HMCN1: variants seen among roughly 807,000 people sequenced by gnomAD.
The protein encoded by HMCN1 is hemicentin-1.
A neutral mutation model predicts 625.9 loss-of-function variants in HMCN1; 321 were observed. The ratio of observed to expected loss-of-function variants is 0.51; its 90% CI spans 0.47 to 0.56. The LOEUF is 0.56. HMCN1 is among the 20% of genes least tolerant of loss of function. The pLI is 0.00. For synonymous variants in HMCN1, 2,425 were observed against 2,417.6 expected, an observed-to-expected ratio of 1.00 and a Z score of -0.09; for missense variants, 6,588 against 6,887.3, an observed-to-expected ratio of 0.96 and a Z score of 1.54.
At chr1:186,121,333 T>G (rs952707453) in intron 80 of HMCN1, among the ~76,000 whole-genome samples, 1 of 152,170 alleles carries the variant, frequency 6.6e-6, no homozygotes, top group Non-Finnish European at 1.5e-5. Flanking sequence ...GGAAGACCCC[T>G]CCTGCAGCTC....
Position 186,087,937 on chromosome 1 carries a change from T to G in HMCN1, c.9369T>G (p.Ser3123=). 5.0e-6 allele frequency: 8 copies of G among 1,612,564 alleles called. No individual in the cohort carries two copies. Among genetic ancestry groups the G allele is most frequent in the Non-Finnish European group, 6.8e-6 (8 of 1,178,908 alleles). Residue 3123 remains serine, a synonymous_variant, in exon 61 of 107, where the codon TCT becomes TCG. Coordinates refer to ENST00000271588, the MANE Select transcript of HMCN1 (RefSeq NM_031935.3). ...QMLHIKKAEV[S]DTGQYVCRAI... ...ATAGTATCTTTTTCTTTTAGGTATC[T>G]GACACAGGCCAGTATGTATGTAGAG... is the stretch of plus-strand genomic sequence containing the variant.
chr1:186,090,418 C>T (rs1012695941), intron 63 of HMCN1, among the ~76,000 whole-genome samples: 10 of 151,912 alleles, frequency 6.6e-5, no homozygotes, highest in East Asian at 3.9e-4. Flanking sequence ...AAAAAATGCA[C>T]ACTGCCTTAC....
At chr1:185,940,275 A>G (rs1185020497) in intron 11 of HMCN1, among the ~76,000 whole-genome samples, 2 of 152,202 alleles carry the variant, frequency 1.3e-5, no homozygotes, top group Non-Finnish European at 2.9e-5. Context: ...AAATAAGATG[A>G]TACTCAGCAT....
intron 5 of HMCN1, 32 bp from the exon 6 acceptor site, chr1:185,911,642 T>C (rs1666425730): frequency 4.2e-6 from 6 of 1,424,476 alleles, no homozygotes; most frequent in Non-Finnish European, 6.0e-6. Flanking sequence ...AGAGAAGGAT[T>C]GTGCTTGTTA....
In HMCN1 at chr1:186,136,706, A is replaced by T; in HGVS notation, c.13351A>T (p.Ile4451Phe). 1 of 1,613,964 alleles carries T rather than the reference A, an allele frequency of 6.2e-7. No individual in the cohort carries two copies. The highest frequency in any genetic ancestry group is 8.5e-7 in the Non-Finnish European group (1 of 1,179,882). ...CACTCTTGAGCCAGTGGAAACTGTT[A>T]TTAATGCTGGTGGCAAAATCATATT... Reference protein sequence around the residue: ...IITLEPVETVINAGGKIILNC... With the variant: ...IITLEPVETVFNAGGKIILNC... The change falls in exon 87 of 107, where the codon ATT (isoleucine) becomes TTT (phenylalanine). Residue 4451 changes from isoleucine to phenylalanine, a missense_variant. Around this residue, in one of 3 missense-constraint regions of HMCN1, gnomAD observed 1,954 missense variants for 2,013.1 expected, o/e 0.97. Transcript: ENST00000271588.
At chr1:186,144,760 G>A (rs1650208306) in intron 91 of HMCN1, 57 bp downstream of exon 91, 2 of 1,585,268 alleles carry the variant, frequency 1.3e-6, no homozygotes, top group African/African-American at 1.3e-5. Context: ...CATTATGACT[G>A]TAATTCCTTA....
At chr1:186,144,797 C>T (rs1337445635) in intron 91 of HMCN1, 94 bp downstream of exon 91, 10 of 1,461,370 alleles carry the variant, frequency 6.8e-6, no homozygotes, top group Non-Finnish European at 9.5e-6. Flanking sequence ...TTATTTGGTT[C>T]TTCAACCTTT....
chr1:185,846,388 G>C (rs1661815610), intron 2 of HMCN1, among the ~76,000 whole-genome samples: 1 of 152,162 alleles, frequency 6.6e-6, no homozygotes, highest in South Asian at 2.1e-4. Flanking sequence ...GAAAAAGTTT[G>C]CTGACCCCTG....
intron 64 of HMCN1, among the ~76,000 whole-genome samples, chr1:186,091,894 A>T (rs1460608921): frequency 6.6e-6 from 1 of 151,984 alleles, no homozygotes; most frequent in African/African-American, 2.4e-5. Flanking sequence ...GTGTATTAAA[A>T]TTTCTAGTCT....
At chr1:185,897,609 C>T (rs1665561935) in intron 4 of HMCN1, among the ~76,000 whole-genome samples, 1 of 152,206 alleles carries the variant, frequency 6.6e-6, no homozygotes, top group Admixed American at 6.5e-5. Flanking sequence ...CCGTTTGCAT[C>T]CTGCTCATCC....
chr1:186,016,821 A>G (rs1199685951), intron 32 of HMCN1, 142 bp from the exon 33 acceptor site: 4 of 682,688 alleles, frequency 5.9e-6, no homozygotes, highest in Non-Finnish European at 1.1e-5. Context: ...ATGTATTTAC[A>G]ATGCATTTCA....
At chr1:186,144,837 G>T (rs1037376447) in intron 91 of HMCN1, 134 bp downstream of exon 91, 18 of 1,061,218 alleles carry the variant, frequency 1.7e-5, no homozygotes, top group Middle Eastern at 2.1e-4. Flanking sequence ...TTGTAAGGTT[G>T]CTGTCATGTC....
At chr1:185,737,514 T>A (rs917724044) in intron 1 of HMCN1, among the ~76,000 whole-genome samples, 6 of 152,206 alleles carry the variant, frequency 3.9e-5, no homozygotes, top group African/African-American at 1.4e-4. Context: ...ATTTACTTTC[T>A]GAATCTTAGT....
In HMCN1 at chr1:186,110,811, G is replaced by A. The variant is rs146016258; in HGVS notation, c.10990-2001G>A. Among the ~76,000 whole-genome samples, 12 of 151,830 alleles carry A rather than the reference G, an allele frequency of 7.9e-5. No individual in the cohort carries two copies. The East Asian group carries it at 2.1e-3, about 27-fold the overall frequency. On this transcript the variant is annotated intron_variant, in intron 71 of 106. Coordinates refer to ENST00000271588, the MANE Select transcript of HMCN1 (RefSeq NM_031935.3). The stretch of plus-strand genomic sequence containing the variant: ...AGATGGGGAAACAGAAAAGAAGGTC[G>A]TATTCATACCCAAGGTGGGGGAAGG...
At chr1:185,885,378 A>G (rs1664580935) in intron 4 of HMCN1, among the ~76,000 whole-genome samples, 1 of 152,030 alleles carries the variant, frequency 6.6e-6, no homozygotes, top group Non-Finnish European at 1.5e-5. Flanking sequence ...GGCAATATTT[A>G]TGTCCATTGA....
chr1:186,036,080 T>C (rs1431351239), intron 36 of HMCN1, among the ~76,000 whole-genome samples: 2 of 152,174 alleles, frequency 1.3e-5, no homozygotes, highest in Non-Finnish European at 2.9e-5. Context: ...ATCATGTTGT[T>C]TTGTCATGTT....
chr1:186,127,991 T>A, intron 82 of HMCN1, 87 bp from the exon 83 acceptor site: 1 of 1,122,684 alleles, frequency 8.9e-7, no homozygotes, highest in East Asian at 2.5e-5. Context: ...AGAGAGTTTC[T>A]TGAGGGCCTA....
At chr1:186,087,702 A>T (rs961093115) in intron 60 of HMCN1, 57 bp downstream of exon 60, 2 of 1,525,886 alleles carry the variant, frequency 1.3e-6, no homozygotes, top group Non-Finnish European at 1.8e-6. Context: ...GGTGGAAAAG[A>T]TGCTTGGAAG....
intron 11 of HMCN1, among the ~76,000 whole-genome samples, chr1:185,959,502 C>A (rs1649859921): frequency 6.6e-6 from 1 of 151,978 alleles, no homozygotes; most frequent in Non-Finnish European, 1.5e-5. Flanking sequence ...TAGGAAATTA[C>A]AAAAACATGT....
Sources: gnomAD v4.1 joint callset for allele counts (sites outside exome capture counted in the v4.1 genomes callset) on GRCh38, gnomAD v4.1.1 for gene constraint, gnomAD v4.1.1 regional missense constraint, MANE v1.5 for transcripts, NCBI Gene and HGNC (gene_info 2026-07-23, HGNC 2026-07-21) for gene names.